Variants in PGM1 observed in about 807,000 individuals in gnomAD.
PGM1 encodes the protein phosphoglucomutase 1, also known as phosphoglucomutase-1.
In PGM1, 52 loss-of-function variants were observed where a neutral mutation model predicts 55.6. That is an observed-to-expected ratio of 0.94 (90% CI 0.75 to 1.18). PGM1 has a LOEUF of 1.18. Among genes scored for constraint, PGM1 ranks in the 50% most tolerant of loss-of-function variants. The probability of loss-of-function intolerance (pLI) is 0.00; values close to 1 mark genes in which losing one functional copy is unlikely to be tolerated. For synonymous variants in PGM1, 287 were observed against 271.7 expected, an observed-to-expected ratio of 1.06 and a Z score of -0.55; for missense variants, 724 against 729.3, an observed-to-expected ratio of 0.99 and a Z score of 0.08.
chr1:63,617,685 A>G (rs534699928), intron 1 of PGM1, among the ~76,000 whole-genome samples: 2 of 140,946 alleles, frequency 1.4e-5, no homozygotes. Flanking sequence ...CAGAGATTGC[A>G]CAACTGCACT....
At chr1:63,599,566 G>A (rs1648176786) in intron 1 of PGM1, among the ~76,000 whole-genome samples, 1 of 151,376 alleles carries the variant, frequency 6.6e-6, no homozygotes, top group Non-Finnish European at 1.5e-5. Flanking sequence ...ACTTGAGTGG[G>A]TCACTTGAGC....
At chr1:63,627,008 A>G (rs1357733154) in intron 1 of PGM1, among the ~76,000 whole-genome samples, 1 of 150,224 alleles carries the variant, frequency 6.7e-6, no homozygotes, top group South Asian at 2.1e-4. Flanking sequence ...AATTTCACTT[A>G]GCATAATGTC....
intron 9 of PGM1, 68 bp from the exon 10 acceptor site, chr1:63,654,264 C>T: frequency 6.8e-7 from 1 of 1,461,686 alleles, no homozygotes; most frequent in Middle Eastern, 1.7e-4. Context: ...CCAAATAGAC[C>T]CCTCATAATT....
At chr1:63,628,211 G>C (rs1277458029) in intron 1 of PGM1, among the ~76,000 whole-genome samples, 1 of 152,196 alleles carries the variant, frequency 6.6e-6, no homozygotes, top group Non-Finnish European at 1.5e-5. Context: ...GCAGGTTCCT[G>C]TAGTCTAAAA....
intron 10 of PGM1, among the ~76,000 whole-genome samples, chr1:63,657,623 C>A (rs1650002036): frequency 6.6e-6 from 1 of 152,202 alleles, no homozygotes; most frequent in Admixed American, 6.5e-5. Flanking sequence ...CATTGAACAG[C>A]ACCTCCCTGC....
intron 7 of PGM1, among the ~76,000 whole-genome samples, chr1:63,647,547 T>C (rs1649689829): frequency 1.3e-5 from 2 of 150,758 alleles, no homozygotes; most frequent in South Asian, 2.1e-4. Context: ...TAATATAATA[T>C]ATACTAGTAT....
chr1:63,597,182 G>C (rs1570467526), intron 1 of PGM1, among the ~76,000 whole-genome samples: 1 of 140,470 alleles, frequency 7.1e-6, no homozygotes, highest in African/African-American at 3.3e-5. Context: ...ATGAAGGGAG[G>C]GAGGCTCCAT....
chr1:63,648,417 T>G, intron 7 of PGM1, 100 bp from the exon 8 acceptor site: 1,748 of 1,274,578 alleles, frequency 1.4e-3, no homozygotes, highest in Non-Finnish European at 1.8e-3. Context: ...TCCCTCAACA[T>G]GAGATTTGGG....
intron 1 of PGM1, among the ~76,000 whole-genome samples, chr1:63,600,639 C>G (rs1202706141): frequency 6.6e-6 from 1 of 152,030 alleles, no homozygotes; most frequent in Non-Finnish European, 1.5e-5. Flanking sequence ...TTTAGTGCAG[C>G]AATTGGGATG....
chr1:63,596,226 C>G (rs1455432064), intron 1 of PGM1, among the ~76,000 whole-genome samples: 1 of 138,348 alleles, frequency 7.2e-6, no homozygotes, highest in East Asian at 2.1e-4. Context: ...AGGTTTCTTT[C>G]TTCTTTCTTT....
rs773425355 is a variant in PGM1 at position 63,659,638 on chromosome 1, A to G, written c.1652A>G (p.Glu551Gly). Residue 551 changes from glutamate to glycine, a missense_variant, in exon 11 of 11, where the codon GAG becomes GGG. Around this residue, in one of 3 missense-constraint regions of PGM1, gnomAD observed 316 missense variants for 313.1 expected, o/e 1.01. Coordinates refer to ENST00000371084, the MANE Select transcript of PGM1 (RefSeq NM_002633.3). ...GCTCTGAAAGTGTCCCAGCTGCAGGAGAGGACGGGACGCACTGCACCCACT... is the reference window on the plus strand; with the variant it reads ...GCTCTGAAAGTGTCCCAGCTGCAGGGGAGGACGGGACGCACTGCACCCACT... ...SIALKVSQLQ[E>G]RTGRTAPTVI... The G allele has an allele frequency of 1.9e-6, 3 of 1,614,050 alleles. No homozygotes were observed. Among genetic ancestry groups the G allele is most frequent in the Non-Finnish European group, 2.5e-6 (3 of 1,179,966 alleles).
intron 1 of PGM1, among the ~76,000 whole-genome samples, chr1:63,607,573 A>C (rs945767557): frequency 2.6e-5 from 4 of 151,790 alleles, no homozygotes; most frequent in Non-Finnish European, 5.9e-5. Context: ...TTCTTGGCAG[A>C]CTCTCTGTCC....
At chr1:63,600,893 T>A (rs1243504838) in intron 1 of PGM1, among the ~76,000 whole-genome samples, 1 of 152,230 alleles carries the variant, frequency 6.6e-6, no homozygotes, top group Non-Finnish European at 1.5e-5. Context: ...TATAAATTTA[T>A]CTTGGGATAA....
rs587777405 is a variant in PGM1 at position 63,631,759 on chromosome 1, TC to T, written c.661del (p.Arg221ValfsTer13). On this transcript the variant is annotated frameshift_variant, in exon 4 of 11. Coordinates refer to ENST00000371084, the MANE Select transcript of PGM1 (RefSeq NM_002633.3). LOFTEE classifies it high-confidence loss of function. ...CTTTCTGGGCCAAACCGACTGAAGA[TC>T]CGTATTGATGCTATGCATGGAGGTA... ...ELLSGPNRLK[I>X]RIDAMHGVVG... The T allele has an allele frequency of 6.2e-5, 100 of 1,613,750 alleles. No homozygotes were observed. Among genetic ancestry groups the T allele is most frequent in the Non-Finnish European group, 7.6e-5 (90 of 1,179,800 alleles).
In PGM1 at chr1:63,636,418, G is replaced by A. The variant is rs377538159; in HGVS notation, c.1028+30G>A. 4 of 1,610,106 alleles carry A rather than the reference G, an allele frequency of 2.5e-6. No individual in the cohort carries two copies. In the African/African-American group the frequency reaches 4.0e-5, roughly 16 times the overall value. On this transcript the variant is annotated intron_variant, in intron 6 of 10. Transcript: ENST00000371084. The stretch of plus-strand genomic sequence containing the variant: ...GTGTCTCCATTCCCTTGGCCTTCCT[G>A]TCTTAGGTCGTCCCAGTCTTCACCA...
intron 8 of PGM1, among the ~76,000 whole-genome samples, chr1:63,649,297 C>CA (rs1245014453): frequency 6.6e-6 from 1 of 152,098 alleles, no homozygotes; most frequent in Non-Finnish European, 1.5e-5. Flanking sequence ...CAGCAGTGAA[C>CA]AAAATACTTA....
intron 5 of PGM1, among the ~76,000 whole-genome samples, chr1:63,636,025 A>G (rs911358406): frequency 6.6e-5 from 10 of 152,252 alleles, no homozygotes; most frequent in Non-Finnish European, 1.5e-4. Flanking sequence ...AATTGAAAAC[A>G]GTTTTAACTT....
At chr1:63,625,404 G>A (rs1648991204) in intron 1 of PGM1, among the ~76,000 whole-genome samples, 1 of 152,220 alleles carries the variant, frequency 6.6e-6, no homozygotes, top group African/African-American at 2.4e-5. Flanking sequence ...ATTTAAAACA[G>A]TCATGCTAAC....
intron 1 of PGM1, among the ~76,000 whole-genome samples, chr1:63,613,507 C>T (rs1648623751): frequency 6.6e-6 from 1 of 151,950 alleles, no homozygotes; most frequent in Non-Finnish European, 1.5e-5. Flanking sequence ...CAATCTCTAC[C>T]TCTGTCTTCA....
Sources: allele counts gnomAD v4.1 joint callset (sites outside exome capture counted in the v4.1 genomes callset), GRCh38; gene constraint gnomAD v4.1.1; regional missense constraint gnomAD v4.1.1; transcripts MANE v1.5; gene names NCBI Gene and HGNC (gene_info 2026-07-23, HGNC 2026-07-21).